The following PTPRD variants were observed in gnomAD, a reference collection of about 807,000 sequenced individuals.
PTPRD encodes the protein protein tyrosine phosphatase receptor type D.
PTPRD carries 34 observed loss-of-function variants against 214.5 expected under a neutral mutation model. The observed-to-expected ratio is 0.16, with a 90% CI of 0.12 to 0.21. The LOEUF (loss-of-function observed/expected upper bound fraction) is 0.21. Among genes scored for constraint, PTPRD ranks in the 10% least tolerant of loss-of-function variants. PTPRD has a pLI of 1.00. For synonymous variants in PTPRD, 1,128 were observed against 845.7 expected (o/e 1.33, Z -5.79); for missense variants, 2,545 against 2,398.7 (o/e 1.06, Z -1.27).
chr9:9,387,835 A>G (rs2064397070), intron 9 of PTPRD, among the ~76,000 whole-genome samples: 1 of 152,162 alleles, frequency 6.6e-6, no homozygotes, highest in Non-Finnish European at 1.5e-5. Context: ...TGTCTGTGGT[A>G]AAAATGAATG....
At chr9:9,837,207 G>A (rs928609215) in intron 5 of PTPRD, among the ~76,000 whole-genome samples, 2 of 151,928 alleles carry the variant, frequency 1.3e-5, no homozygotes, top group African/African-American at 4.8e-5. Context: ...ATAATGAGAT[G>A]GATCATAATA....
intron 9 of PTPRD, among the ~76,000 whole-genome samples, chr9:9,372,407 T>C (rs2059765543): frequency 6.6e-6 from 1 of 152,154 alleles, no homozygotes; most frequent in Non-Finnish European, 1.5e-5. Context: ...TGGTTTAAAG[T>C]CTGTTTTATC....
At chr9:9,181,653 A>G (rs1445227698) in intron 10 of PTPRD, among the ~76,000 whole-genome samples, 1 of 152,050 alleles carries the variant, frequency 6.6e-6, no homozygotes, top group Non-Finnish European at 1.5e-5. Flanking sequence ...AAATTTGCAC[A>G]GTTTACTTAA....
At chr9:9,380,708 G>A (rs866749176) in intron 9 of PTPRD, among the ~76,000 whole-genome samples, 1 of 152,062 alleles carries the variant, frequency 6.6e-6, no homozygotes, top group Admixed American at 6.6e-5. Flanking sequence ...TTGATGGATA[G>A]CGTTGTCAAC....
At chr9:9,319,649 T>C (rs1258050469) in intron 9 of PTPRD, among the ~76,000 whole-genome samples, 2 of 152,168 alleles carry the variant, frequency 1.3e-5, no homozygotes, top group African/African-American at 4.8e-5. Flanking sequence ...AAACACCTCT[T>C]CTTAGAGGTA....
intron 10 of PTPRD, among the ~76,000 whole-genome samples, chr9:9,109,552 C>A (rs933719307): frequency 1.1e-4 from 16 of 151,926 alleles, no homozygotes; most frequent in Non-Finnish European, 1.5e-4. Flanking sequence ...TAGTGGCCAT[C>A]AATATAATTG....
chr9:9,120,500 T>C (rs2099816579), intron 10 of PTPRD, among the ~76,000 whole-genome samples: 1 of 152,238 alleles, frequency 6.6e-6, no homozygotes, highest in Non-Finnish European at 1.5e-5. Context: ...CTGTCAAATA[T>C]GAAAGCTGTG....
chr9:10,584,194 AG>A (rs1403905902), intron 2 of PTPRD, among the ~76,000 whole-genome samples: 2 of 150,498 alleles, frequency 1.3e-5, no homozygotes, highest in African/African-American at 2.5e-5. Flanking sequence ...AAAAAAAAAA[AG>A]AAAGAAAAAA....
At chr9:10,002,003 T>C (rs1457175745) in intron 4 of PTPRD, among the ~76,000 whole-genome samples, 3 of 152,010 alleles carry the variant, frequency 2.0e-5, no homozygotes, top group African/African-American at 7.2e-5. Context: ...AGATGTAATT[T>C]TTATAGCAAT....
chr9:9,357,241 T>G (rs1351617276), intron 9 of PTPRD, among the ~76,000 whole-genome samples: 2 of 151,432 alleles, frequency 1.3e-5, no homozygotes, highest in East Asian at 3.9e-4. Context: ...TAAAGGATGA[T>G]GTGCACTAAG....
At chr9:9,070,246 C>T (rs2099741843) in intron 10 of PTPRD, among the ~76,000 whole-genome samples, 1 of 152,330 alleles carries the variant, frequency 6.6e-6, no homozygotes, top group East Asian at 1.9e-4. Flanking sequence ...AAGACGCCAA[C>T]TTGTCAAGGA....
At chr9:9,548,314 G>A (rs1040811421) in intron 8 of PTPRD, among the ~76,000 whole-genome samples, 1 of 151,314 alleles carries the variant, frequency 6.6e-6, no homozygotes, top group Non-Finnish European at 1.5e-5. Context: ...GACTAAAAAT[G>A]TAAGCTAATC....
rs2097354030 is a variant in PTPRD, at chr9:8,499,781, C to T, written c.2188G>A (p.Val730Ile). 6.2e-7 allele frequency: 1 copy of T among 1,613,952 alleles called. No homozygotes were observed. Among genetic ancestry groups the T allele is most frequent in the Non-Finnish European group, 8.5e-7 (1 of 1,179,940 alleles). Reference protein sequence around the residue: ...VEAVNSTSVKVSWRSPVPNKQ... With the variant: ...VEAVNSTSVKISWRSPVPNKQ... Reference sequence around the variant, plus strand: ...TTGGGCACGGGTGAGCGCCATGAGACTTTAACAGATGTTGAGTTGACAGCC... The same window carrying T: ...TTGGGCACGGGTGAGCGCCATGAGATTTTAACAGATGTTGAGTTGACAGCC... The change falls in exon 25 of 46, where the codon GTC (valine) becomes ATC (isoleucine). Residue 730 changes from valine to isoleucine, a missense_variant. Transcript: ENST00000381196.
intron 8 of PTPRD, among the ~76,000 whole-genome samples, chr9:9,430,818 A>G (rs1455382624): frequency 1.3e-5 from 2 of 152,238 alleles, no homozygotes; most frequent in Non-Finnish European, 2.9e-5. Flanking sequence ...ATCCCTGTTT[A>G]ATAAATGGTT....
intron 5 of PTPRD, among the ~76,000 whole-genome samples, chr9:9,814,174 C>A (rs1218782800): frequency 6.6e-6 from 1 of 151,934 alleles, no homozygotes; most frequent in Non-Finnish European, 1.5e-5. Context: ...ATGTGACAAG[C>A]CAAAAGTAAA....
At chr9:8,583,189 C>T (rs1365066090) in intron 14 of PTPRD, among the ~76,000 whole-genome samples, 1 of 152,170 alleles carries the variant, frequency 6.6e-6, no homozygotes, top group Non-Finnish European at 1.5e-5. Context: ...AATCTAACGC[C>T]TCCACTGATC....
intron 33 of PTPRD, among the ~76,000 whole-genome samples, chr9:8,450,605 G>C (rs1371556282): frequency 6.6e-6 from 1 of 152,148 alleles, no homozygotes; most frequent in Admixed American, 6.5e-5. Context: ...TGTTATAAAT[G>C]TGATTCTTCA....
intron 2 of PTPRD, among the ~76,000 whole-genome samples, chr9:10,471,354 G>T (rs1375004745): frequency 3.9e-5 from 6 of 151,922 alleles, no homozygotes; most frequent in Non-Finnish European, 8.8e-5. Flanking sequence ...GGGGTTTGGG[G>T]GTCATGGGTG....
At chr9:8,948,463 ATT>A (rs1491352749) in intron 11 of PTPRD, among the ~76,000 whole-genome samples, 1 of 12,120 alleles carries the variant, frequency 8.3e-5, no homozygotes, top group African/African-American at 1.8e-4. Context: ...TTATATATAT[ATT>A]TACATATATA....
Sources: gnomAD v4.1 joint callset for allele counts (sites outside exome capture counted in the v4.1 genomes callset) on GRCh38, gnomAD v4.1.1 for gene constraint, MANE v1.5 for transcripts, NCBI Gene and HGNC (gene_info 2026-07-23, HGNC 2026-07-21) for gene names.